CAPN13: variants seen among roughly 807,000 people sequenced by gnomAD.
The protein encoded by CAPN13 is calpain-13.
Under a neutral mutation model 98.4 loss-of-function variants are expected in CAPN13, and 90 were observed. The observed-to-expected ratio is 0.92, with a 90% CI of 0.77 to 1.09. The LOEUF is 1.09. CAPN13 is among the 50% of genes least tolerant of loss of function. CAPN13 has a pLI of 0.00. For synonymous variants in CAPN13, 330 were observed against 305.5 expected (o/e 1.08, Z -0.84); for missense variants, 887 against 841.3 (o/e 1.05, Z -0.67).
chr2:30,745,407 G>A lies in CAPN13; in HGVS notation c.1248+316C>T, dbSNP rs1042759390. The A allele has an allele frequency of 9.5e-6, 5 of 526,612 alleles. No individual in the cohort carries two copies. The East Asian group carries it at 2.1e-4, about 22-fold the overall frequency. The allele number at this position is 526,612 out of a possible 1,614,324, so 32.6% of individuals were successfully genotyped here. On this transcript the variant is annotated intron_variant, in intron 12 of 22. Transcript: ENST00000295055. ...AAAGATCTTTCCAAGGTACCCCTTA[G>A]TGCTGCTCTCATCTTAAATAAAAAG...
chr2:30,798,927 G>A (rs1420295719), intron 1 of CAPN13, among the ~76,000 whole-genome samples: 1 of 152,222 alleles, frequency 6.6e-6, no homozygotes. Flanking sequence ...ACTTGTGTGT[G>A]TATGTGTGTG....
chr2:30,792,655 C>T (rs111443690), intron 1 of CAPN13, among the ~76,000 whole-genome samples: 1,749 of 151,964 alleles, frequency 0.012, 14 homozygotes, highest in Non-Finnish European at 0.017. Context: ...ACTAATCTTA[C>T]GTGAACTTCC....
chr2:30,787,378 T>C, intron 1 of CAPN13, 21 bp from the exon 2 acceptor site: 1 of 1,538,640 alleles, frequency 6.5e-7, no homozygotes, highest in Non-Finnish European at 8.8e-7. Flanking sequence ...GAAAAAGGGA[T>C]ACCTTTGGGG....
At chr2:30,725,283 G>A (rs1048785327) in intron 22 of CAPN13, among the ~76,000 whole-genome samples, 1 of 152,108 alleles carries the variant, frequency 6.6e-6, no homozygotes, top group African/African-American at 2.4e-5. Context: ...CATAGGTATT[G>A]CCTGCAATGT....
chr2:30,792,475 T>A, intron 1 of CAPN13, among the ~76,000 whole-genome samples: 1 of 152,062 alleles, frequency 6.6e-6, no homozygotes. Flanking sequence ...TGGATCAATT[T>A]CTTGAAAAAT....
chr2:30,752,069 A>G (rs1672201544), intron 10 of CAPN13, among the ~76,000 whole-genome samples: 1 of 152,222 alleles, frequency 6.6e-6, no homozygotes, highest in African/African-American at 2.4e-5. Flanking sequence ...AGGAATCAGT[A>G]AATTTGCTGC....
At chr2:30,733,262 CAG>C (rs1483871661) in intron 19 of CAPN13, among the ~76,000 whole-genome samples, 1 of 152,160 alleles carries the variant, frequency 6.6e-6, no homozygotes, top group Non-Finnish European at 1.5e-5. Flanking sequence ...CTCCGGCAGC[CAG>C]AGACACAGGA....
rs549265107 is a variant in CAPN13 at position 30,773,112 on chromosome 2, C to A, written c.388-2663G>T. Among the ~76,000 whole-genome samples, 498 of 152,358 alleles carry A rather than the reference C, an allele frequency of 3.3e-3. 4 individuals are homozygous for A. The highest frequency in any genetic ancestry group is 0.012 in the African/African-American group (489 of 41,574). Reference sequence around the variant, plus strand: ...GTGCTGGGATTACAGGCGTGAGCCACTGCGCCTGGCCAGCACTTCTTATAG... The same window carrying A: ...GTGCTGGGATTACAGGCGTGAGCCAATGCGCCTGGCCAGCACTTCTTATAG... On this transcript the variant is annotated intron_variant, in intron 4 of 22. Coordinates refer to ENST00000295055, the MANE Select transcript of CAPN13 (RefSeq NM_144575.3).
At chr2:30,769,120 T>C (rs1467692721) in intron 5 of CAPN13, among the ~76,000 whole-genome samples, 2 of 152,222 alleles carry the variant, frequency 1.3e-5, no homozygotes, top group Non-Finnish European at 2.9e-5. Context: ...GACTGCTGCG[T>C]GGCTCTCCAT....
chr2:30,726,432 GA>G (rs1387248088), intron 22 of CAPN13, among the ~76,000 whole-genome samples: 2 of 152,066 alleles, frequency 1.3e-5, no homozygotes, highest in Non-Finnish European at 2.9e-5. Flanking sequence ...TATTGGAGTG[GA>G]AAAATAAAAC....
chr2:30,728,063 A>T lies in CAPN13; in HGVS notation c.*30+2667T>A, dbSNP rs2103479011. Among the ~76,000 whole-genome samples, 2 of 152,002 alleles carry T rather than the reference A, an allele frequency of 1.3e-5. 1 individual carries two copies. The highest frequency in any genetic ancestry group is 4.2e-4 in the South Asian group (2 of 4,802). On this transcript the variant is annotated intron_variant, in intron 22 of 22. Coordinates refer to ENST00000295055, the MANE Select transcript of CAPN13 (RefSeq NM_144575.3). ...AAAGAAGCCAGTCATAAAGGACCAC[A>T]TGTTGTATGAATCTAATCATATGAA...
chr2:30,768,211 G>A (rs892636404), intron 5 of CAPN13, among the ~76,000 whole-genome samples: 6 of 152,184 alleles, frequency 3.9e-5, no homozygotes, highest in Admixed American at 2.6e-4. Context: ...TGATTGGGCC[G>A]ATGGGGTCCT....
At chr2:30,765,804 T>C (rs568164276) in intron 5 of CAPN13, among the ~76,000 whole-genome samples, 1 of 152,346 alleles carries the variant, frequency 6.6e-6, no homozygotes, top group South Asian at 2.1e-4. Context: ...TAAAGAAAGC[T>C]GAGGATTCCC....
At chr2:30,732,163 T>G (rs953228718) in intron 20 of CAPN13, among the ~76,000 whole-genome samples, 4 of 152,158 alleles carry the variant, frequency 2.6e-5, no homozygotes. Context: ...AAACACAACC[T>G]GGAGACGGGG....
chr2:30,744,784 A>T (rs1221762875), intron 12 of CAPN13, among the ~76,000 whole-genome samples: 2 of 152,148 alleles, frequency 1.3e-5, no homozygotes, highest in Non-Finnish European at 2.9e-5. Context: ...CAAACCACAC[A>T]CCCAGGACTG....
chr2:30,746,761 TC>T (rs1558303954), intron 11 of CAPN13: 1 of 157,868 alleles, frequency 6.3e-6, no homozygotes, highest in African/African-American at 2.4e-5. Context: ...GGATGACTGG[TC>T]ACTCATGCTC....
At chr2:30,798,714 G>A (rs1038244156) in intron 1 of CAPN13, among the ~76,000 whole-genome samples, 6 of 152,148 alleles carry the variant, frequency 3.9e-5, no homozygotes, top group Non-Finnish European at 7.4e-5. Context: ...AACACGACAG[G>A]GGACGGTTTT....
intron 22 of CAPN13, among the ~76,000 whole-genome samples, 153 bp downstream of exon 22, chr2:30,730,577 G>C (rs1671033776): frequency 6.6e-6 from 1 of 152,150 alleles, no homozygotes; most frequent in Admixed American, 6.5e-5. Flanking sequence ...TGAAACTCAA[G>C]GGCCTTGAGC....
At chr2:30,729,716 A>T (rs1223114694) in intron 22 of CAPN13, 4 of 152,220 alleles carry the variant, frequency 2.6e-5, no homozygotes, top group Non-Finnish European at 5.9e-5. Flanking sequence ...ATGCTACAAC[A>T]TTATTTATGG....
Sources: allele counts gnomAD v4.1 joint callset (sites outside exome capture counted in the v4.1 genomes callset), GRCh38; gene constraint gnomAD v4.1.1; transcripts MANE v1.5; gene names NCBI Gene and HGNC (gene_info 2026-07-23, HGNC 2026-07-21).